Variants in KDM4C observed in about 807,000 individuals in gnomAD.
The protein encoded by KDM4C is lysine-specific demethylase 4C.
In KDM4C, 81 loss-of-function variants were observed where a neutral mutation model predicts 129.3. The observed-to-expected ratio is 0.63, with a 90% CI of 0.52 to 0.75. KDM4C has a LOEUF of 0.75. Ranked by LOEUF, KDM4C falls within the 30% of genes least tolerant of loss-of-function variation. The pLI is 0.00. For missense variants in KDM4C, 1,457 were observed against 1,304.0 expected, an observed-to-expected ratio of 1.12 and a Z score of -1.81; for synonymous variants, 573 against 456.1, an observed-to-expected ratio of 1.26 and a Z score of -3.26.
intron 12 of KDM4C, among the ~76,000 whole-genome samples, chr9:7,008,287 A>T (rs899287961): frequency 2.6e-5 from 4 of 152,154 alleles, no homozygotes; most frequent in African/African-American, 7.2e-5. Context: ...CTGAGCCTCC[A>T]GGATTGCTCC....
At chr9:6,910,954 AG>A (rs954764292) in intron 8 of KDM4C, among the ~76,000 whole-genome samples, 3 of 152,228 alleles carry the variant, frequency 2.0e-5, no homozygotes, top group African/African-American at 7.2e-5. Context: ...GATTAAAGAA[AG>A]GTTATAGAAT....
intron 8 of KDM4C, among the ~76,000 whole-genome samples, chr9:6,900,631 C>T (rs1262369415): frequency 6.6e-6 from 1 of 152,198 alleles, no homozygotes; most frequent in Non-Finnish European, 1.5e-5. Flanking sequence ...CAAGACCTGT[C>T]TCAAAACACA....
intron 1 of KDM4C, among the ~76,000 whole-genome samples, chr9:6,765,609 C>T (rs1000704927): frequency 6.6e-6 from 1 of 152,072 alleles, no homozygotes; most frequent in African/African-American, 2.4e-5. Flanking sequence ...TATAGGTGCT[C>T]AACGAACATT....
At chr9:7,056,029 C>T (rs984346047) in intron 17 of KDM4C, among the ~76,000 whole-genome samples, 3 of 152,222 alleles carry the variant, frequency 2.0e-5, no homozygotes, top group Non-Finnish European at 2.9e-5. Context: ...ACTCATGTAC[C>T]GATTTATTCA....
intron 17 of KDM4C, among the ~76,000 whole-genome samples, chr9:7,097,123 G>A (rs7861286): frequency 0.4 from 61,261 of 151,942 alleles, 12,979 homozygotes; most frequent in Middle Eastern, 0.53. Flanking sequence ...GTCCTTCAGG[G>A]TAAGCTCACA....
At chr9:6,976,020 A>G (rs2131750120) in intron 8 of KDM4C, among the ~76,000 whole-genome samples, 1 of 152,374 alleles carries the variant, frequency 6.6e-6, no homozygotes, top group South Asian at 2.1e-4. Flanking sequence ...CCTGGGTGAC[A>G]AAGTGAGACC....
intron 5 of KDM4C, among the ~76,000 whole-genome samples, chr9:6,857,101 C>T (rs1839996842): frequency 6.6e-6 from 1 of 152,098 alleles, no homozygotes; most frequent in African/African-American, 2.4e-5. Flanking sequence ...TCAATCAATC[C>T]TCCTGCCTTG....
At chr9:6,827,092 C>T (rs947093233) in intron 4 of KDM4C, among the ~76,000 whole-genome samples, 5 of 152,106 alleles carry the variant, frequency 3.3e-5, no homozygotes, top group African/African-American at 9.7e-5. Flanking sequence ...TGCACAGACA[C>T]CCACTGCCCC....
chr9:6,962,081 C>T (rs1235812046), intron 8 of KDM4C, among the ~76,000 whole-genome samples: 1 of 152,146 alleles, frequency 6.6e-6, no homozygotes, highest in South Asian at 2.1e-4. Flanking sequence ...ACAAGAGGAG[C>T]ACCAGGGGGC....
intron 19 of KDM4C, among the ~76,000 whole-genome samples, chr9:7,164,338 C>G (rs921092393): frequency 3.6e-5 from 5 of 137,816 alleles, no homozygotes; most frequent in East Asian, 4.1e-4. Context: ...TCCCTGTCCC[C>G]CTGCCACGCC....
At chr9:6,955,058 C>G (rs1304228699) in intron 8 of KDM4C, among the ~76,000 whole-genome samples, 2 of 152,208 alleles carry the variant, frequency 1.3e-5, no homozygotes, top group Non-Finnish European at 2.9e-5. Flanking sequence ...CTAGACCCCT[C>G]TTCCTCCCCT....
At chr9:6,811,529 A>T (rs1297788995) in intron 3 of KDM4C, among the ~76,000 whole-genome samples, 1 of 152,166 alleles carries the variant, frequency 6.6e-6, no homozygotes, top group Non-Finnish European at 1.5e-5. Flanking sequence ...CATTTGGTTG[A>T]TAATGCAATG....
chr9:6,740,421 T>C (rs1175183252), intron 1 of KDM4C, among the ~76,000 whole-genome samples: 5 of 152,078 alleles, frequency 3.3e-5, no homozygotes, highest in Admixed American at 6.6e-5. Context: ...GCCAGGATGG[T>C]CTTGATCTCC....
At chr9:7,016,176 A>G (rs1403280399) in intron 15 of KDM4C, among the ~76,000 whole-genome samples, 12 of 149,906 alleles carry the variant, frequency 8.0e-5, no homozygotes, top group South Asian at 2.1e-4. Flanking sequence ...CGCCCAGGCT[A>G]GAGTGCAGTG....
At chr9:7,021,136 GTGTGTATA>G (rs931424961) in intron 15 of KDM4C, among the ~76,000 whole-genome samples, 11 of 111,278 alleles carry the variant, frequency 9.9e-5, no homozygotes, top group African/African-American at 3.0e-4. Flanking sequence ...GTGTGTGTGT[GTGTGTATA>G]TATATATATG....
chr9:7,103,580 G>GTTTTT, intron 17 of KDM4C, 105 bp from the exon 18 acceptor site: 18 of 624,924 alleles, frequency 2.9e-5, no homozygotes, highest in Admixed American at 6.2e-5. Context: ...GTAATCAGTT[G>GTTTTT]TTTTTTTTTT....
At chr9:6,952,876 C>A (rs190066608) in intron 8 of KDM4C, among the ~76,000 whole-genome samples, 31 of 152,226 alleles carry the variant, frequency 2.0e-4, no homozygotes, top group Admixed American at 1.8e-3. Context: ...TATGATAGTC[C>A]TTGTTACTCA....
intron 15 of KDM4C, among the ~76,000 whole-genome samples, chr9:7,036,049 G>A (rs960897560): frequency 5.3e-5 from 8 of 152,140 alleles, no homozygotes; most frequent in African/African-American, 7.2e-5. Flanking sequence ...GATAGGGATT[G>A]CATTGAATCT....
Position 7,169,886 on chromosome 9 carries a change from G to A in KDM4C, c.2990G>A (p.Arg997Gln), listed in dbSNP as rs773233064. The change falls in exon 21 of 22, where the codon CGA becomes CAA. Residue 997 changes from arginine to glutamine, a missense_variant. Arg to Gln is a conservative substitution (Grantham distance 43, BLOSUM62 1). Coordinates refer to ENST00000381309, the MANE Select transcript of KDM4C (RefSeq NM_015061.6). Reference protein sequence around the residue: ...DEELPKRVKARFSTASDMRFE... With the variant: ...DEELPKRVKAQFSTASDMRFE... The stretch of plus-strand genomic sequence containing the variant: ...GAGTTACCCAAGAGAGTGAAAGCTC[G>A]ATTTGTAAGTGCTGGCAGATGCCAC... The A allele has an allele frequency of 1.9e-6, 3 of 1,613,874 alleles. No individual in the cohort carries two copies.
Sources: allele counts gnomAD v4.1 joint callset (sites outside exome capture counted in the v4.1 genomes callset), GRCh38; gene constraint gnomAD v4.1.1; transcripts MANE v1.5; gene names NCBI Gene and HGNC (gene_info 2026-07-23, HGNC 2026-07-21).